The following RRN3 variants were observed in gnomAD, a reference collection of about 807,000 sequenced individuals.
RRN3 encodes RNA polymerase I-specific transcription initiation factor RRN3.
RRN3 carries 38 observed loss-of-function variants against 82.3 expected under a neutral mutation model. The ratio of observed to expected loss-of-function variants is 0.46; its 90% CI spans 0.36 to 0.61. RRN3 has a LOEUF of 0.61. RRN3 is among the 20% of genes least tolerant of loss of function. RRN3 has a pLI of 0.00. For synonymous variants in RRN3, 284 were observed against 284.3 expected, an observed-to-expected ratio of 1.00 and a Z score of 0.01; for missense variants, 726 against 793.1, an observed-to-expected ratio of 0.92 and a Z score of 1.02.
intron 12 of RRN3, among the ~76,000 whole-genome samples, chr16:15,072,266 A>G (rs1007909146): frequency 3.9e-5 from 6 of 151,972 alleles, no homozygotes; most frequent in African/African-American, 1.4e-4. Context: ...AAAAAAGAAG[A>G]AGAAGAAGAA....
Position 15,065,248 on chromosome 16 carries a change from G to A in RRN3, c.1677C>T (p.Phe559=), listed in dbSNP as rs766503968. ...TCAGCACACAGGGATCAAAGGGGAA[G>A]AAGGTGTCCAGCGGGTTTGTGCAGA... ...VQICTNPLDT[F]FPFDPCVLKR... Residue 559 remains phenylalanine (F), a synonymous_variant, in exon 16 of 18, where the codon TTC becomes TTT. Transcript: ENST00000198767. The A allele has an allele frequency of 1.9e-6, 3 of 1,613,814 alleles. No homozygotes were observed. Among genetic ancestry groups the A allele is most frequent in the Non-Finnish European group, 8.5e-7 (1 of 1,179,782 alleles).
At chr16:15,091,477 C>T (rs1284608701) in intron 2 of RRN3, 106 bp from the exon 3 acceptor site, 2 of 723,090 alleles carry the variant, frequency 2.8e-6, no homozygotes, top group Non-Finnish European at 4.6e-6. Context: ...ATAAAAGGAA[C>T]ACTAACTTTC....
At chr16:15,063,552 C>CA (rs2044811422) in intron 16 of RRN3, among the ~76,000 whole-genome samples, 1 of 151,546 alleles carries the variant, frequency 6.6e-6, no homozygotes, top group South Asian at 2.1e-4. Context: ...ACTAAAAATA[C>CA]AAAAAATTAG....
intron 16 of RRN3, 126 bp from the exon 17 acceptor site, chr16:15,063,409 T>C: frequency 1.3e-6 from 1 of 773,238 alleles, no homozygotes; most frequent in Non-Finnish European, 2.3e-6. Context: ...CTTAAATAAT[T>C]ACATTTAAAA....
chr16:15,071,852 C>T (rs1419864752), intron 12 of RRN3, among the ~76,000 whole-genome samples: 1 of 152,144 alleles, frequency 6.6e-6, no homozygotes, highest in Non-Finnish European at 1.5e-5. Flanking sequence ...TTGGAATCCA[C>T]ATATTACAAA....
rs148522531 is a variant in RRN3, at chr16:15,085,673, A to G, written c.498T>C (p.Asp166=). ...CATCATCAGAATCTGAAACATCTAC[A>G]TCGCCTTCCTTAATGATCACTCGGG... The part of the protein sequence containing the change: ...VPPRVIIKEG[D]VDVSDSDDED... The change falls in exon 6 of 18, where the codon GAT becomes GAC. Residue 166 remains aspartate (D), a synonymous_variant. Transcript: ENST00000198767. 4.2e-5 allele frequency: 68 copies of G among 1,613,512 alleles called. No individual in the cohort carries two copies. The highest frequency in any genetic ancestry group is 5.7e-5 in the Non-Finnish European group (67 of 1,179,800).
chr16:15,063,373 C>G (rs2044801106), intron 16 of RRN3, 90 bp from the exon 17 acceptor site: 3 of 966,436 alleles, frequency 3.1e-6, no homozygotes, highest in Middle Eastern at 4.2e-4. Flanking sequence ...GATCTATTAC[C>G]CAAAACCAAG....
rs1445388271 is a variant in RRN3 at position 15,094,187 on chromosome 16, G to C, written c.47C>G (p.Ala16Gly). 1 of 1,601,626 alleles carries C rather than the reference G, an allele frequency of 6.2e-7. No individual in the cohort carries two copies. The highest frequency in any genetic ancestry group is 8.5e-7 in the Non-Finnish European group (1 of 1,174,546). Residue 16 changes from alanine (A) to glycine (G), a missense_variant, in exon 1 of 18, where the codon GCT becomes GGT. Physicochemically the swap from Ala to Gly is moderately conservative, Grantham distance 60 (BLOSUM62 0). Coordinates refer to ENST00000198767, the MANE Select transcript of RRN3 (RefSeq NM_018427.5). ...CAGCTTCTTAACTGCAGAGGACGAA[G>C]CGGCCGCATCTCCCGGCAAACGCGT... ...LHTRLPGDAA[A>G]SSSAVKKLGA...
intron 11 of RRN3, among the ~76,000 whole-genome samples, chr16:15,073,318 G>T (rs1389647574): frequency 6.6e-6 from 1 of 152,162 alleles, no homozygotes; most frequent in African/African-American, 2.4e-5. Context: ...AATTAGCCAG[G>T]CATGGTGGCA....
intron 15 of RRN3, among the ~76,000 whole-genome samples, chr16:15,066,042 G>C (rs1246663815): frequency 6.6e-6 from 1 of 152,224 alleles, no homozygotes; most frequent in African/African-American, 2.4e-5. Flanking sequence ...CTATTGGACA[G>C]CTTCTCCAAG....
At chr16:15,078,812 CTTTT>C (rs5816111) in intron 9 of RRN3, among the ~76,000 whole-genome samples, 4 of 117,628 alleles carry the variant, frequency 3.4e-5, no homozygotes, top group Admixed American at 9.1e-5. Context: ...GTATTTTTTT[CTTTT>C]TTTTTTTTTT....
At chr16:15,092,664 T>C (rs748184657) in intron 1 of RRN3, 50 bp from the exon 2 acceptor site, 2 of 1,169,742 alleles carry the variant, frequency 1.7e-6, no homozygotes, top group East Asian at 2.3e-5. Flanking sequence ...ATAATAAAAA[T>C]TATAATAGCC....
chr16:15,088,232 G>C (rs1038752001), intron 3 of RRN3, among the ~76,000 whole-genome samples: 4 of 152,136 alleles, frequency 2.6e-5, no homozygotes, highest in South Asian at 2.1e-4. Context: ...CAGCACTTTT[G>C]GGAGGCCAAG....
chr16:15,089,105 G>C lies in RRN3; in HGVS notation c.252+2210C>G, dbSNP rs1296496622. Among the ~76,000 whole-genome samples the C allele has an allele frequency of 5.3e-5, 8 of 151,800 alleles. No homozygotes were observed. In the South Asian group the frequency reaches 8.3e-4, roughly 16 times the overall value. ...ATCACTTGAGGTCAGGAGTTCGAGA[G>C]CAGCCTGGCCAGCATGGTGAAACCC... On this transcript the variant is annotated intron_variant, in intron 3 of 17. Transcript: ENST00000198767.
At position 15,080,020 on chromosome 16, in the gene RRN3, A is replaced by G. The variant is rs757200180; in HGVS notation, c.743T>C (p.Ile248Thr). The change falls in exon 9 of 18, where the codon ATT becomes ACT. Residue 248 changes from isoleucine to threonine, a missense_variant. Ile to Thr is a moderately conservative substitution (Grantham distance 89). Coordinates refer to ENST00000198767, the MANE Select transcript of RRN3 (RefSeq NM_018427.5). ...TACATCCAACTTGAGTAGTTTTTCAATAATAAGCTCCAGAATTTCATGCCT... is the reference window on the plus strand; with the variant it reads ...TACATCCAACTTGAGTAGTTTTTCAGTAATAAGCTCCAGAATTTCATGCCT... ...TLRHEILELIIEKLLKLDVNA... is the reference protein window; with the variant it reads ...TLRHEILELITEKLLKLDVNA... 22 of 1,598,662 alleles carry G rather than the reference A, an allele frequency of 1.4e-5. No homozygotes were observed. Among genetic ancestry groups the G allele is most frequent in the Middle Eastern group, 3.3e-4 (2 of 6,050 alleles).
chr16:15,061,432 A>C lies in RRN3; in HGVS notation c.*312T>G. On this transcript the variant is annotated 3_prime_UTR_variant, in exon 18 of 18. Transcript: ENST00000198767. ...CTGCTGCCTATATTAGAAATTACCC[A>C]GTAATTGTGTCAAAAAGCTGTTAAC... 1 of 319,760 alleles carries C rather than the reference A, an allele frequency of 3.1e-6. No individual in the cohort carries two copies. 19.8% of individuals were successfully genotyped at this position (319,760 alleles called of 1,614,324 possible).
intron 9 of RRN3, among the ~76,000 whole-genome samples, chr16:15,078,164 C>G (rs1216103121): frequency 5.9e-5 from 9 of 152,144 alleles, no homozygotes; most frequent in Admixed American, 5.9e-4. Flanking sequence ...ATAAAGAGTA[C>G]ATATACAGTT....
At position 15,068,207 on chromosome 16, in the gene RRN3, G is replaced by A; in HGVS notation, c.1515C>T (p.Cys505=). ...CAAAAAAGTTAACCACTGAGGGCAG[G>A]CAAATCTTCAGGGGATTTAGCTGGC... The part of the protein sequence containing the change: ...VMSQLNPLKI[C]LPSVVNFFAA... Residue 505 remains cysteine (C), a synonymous_variant, in exon 15 of 18, where the codon TGC becomes TGT. Coordinates refer to ENST00000198767, the MANE Select transcript of RRN3 (RefSeq NM_018427.5). The A allele has an allele frequency of 6.3e-7, 1 of 1,596,618 alleles. No homozygotes were observed.
At chr16:15,070,278 C>T (rs1723940946) in intron 13 of RRN3, 24 bp from the exon 14 acceptor site, 1 of 1,609,104 alleles carries the variant, frequency 6.2e-7, no homozygotes, top group African/African-American at 1.3e-5. Context: ...AAATTCAAGT[C>T]AACTTTACAC....
Sources: gnomAD v4.1 joint callset for allele counts (sites outside exome capture counted in the v4.1 genomes callset) on GRCh38, gnomAD v4.1.1 for gene constraint, MANE v1.5 for transcripts, NCBI Gene and HGNC (gene_info 2026-07-23, HGNC 2026-07-21) for gene names.